GMEB1: variants seen among roughly 807,000 people sequenced by gnomAD.
GMEB1 encodes the protein glucocorticoid modulatory element-binding protein 1.
In GMEB1, 6 loss-of-function variants were observed where a neutral mutation model predicts 52.4. The ratio of observed to expected loss-of-function variants is 0.11; its 90% CI spans 0.06 to 0.23. The LOEUF is 0.23. GMEB1 is among the 10% of genes least tolerant of loss of function. GMEB1 has a pLI of 1.00. For synonymous variants in GMEB1, 255 were observed against 244.9 expected, an observed-to-expected ratio of 1.04 and a Z score of -0.38; for missense variants, 486 against 685.6, an observed-to-expected ratio of 0.71 and a Z score of 3.25.
In GMEB1 at chr1:28,716,097, C is replaced by CA. The variant is rs199862681; in HGVS notation, c.*1333dup. On this transcript the variant is annotated 3_prime_UTR_variant, in exon 10 of 10. Coordinates refer to ENST00000373816, the MANE Select transcript of GMEB1 (RefSeq NM_001319674.2). ...CTGGGCGAGGAGTGAAACTCCGTCT[C>CA]AAAAAAAAAGAAAGAAATGGAAAGC... 312 of 150,856 alleles carry CA rather than the reference C, an allele frequency of 2.1e-3. No individual in the cohort carries two copies. The highest frequency in any genetic ancestry group is 6.9e-3 in the African/African-American group (285 of 41,090). 9.3% of individuals were successfully genotyped at this position (150,856 alleles called of 1,614,324 possible). A position where few individuals can be genotyped will look rare whatever the true frequency, so the allele number is the denominator to read the frequency against.
intron 5 of GMEB1, among the ~76,000 whole-genome samples, chr1:28,695,938 CAAAAAAAAAAAAAAA>C (rs58978972): frequency 2.4e-5 from 1 of 41,050 alleles, no homozygotes; most frequent in African/African-American, 1.1e-4. Flanking sequence ...GACTCCGTCT[CAAAAAAAAAAAAAAA>C]AAAAAAAAAA....
chr1:28,677,206 G>C (rs542148238), intron 1 of GMEB1, among the ~76,000 whole-genome samples: 4 of 151,718 alleles, frequency 2.6e-5, no homozygotes, highest in Non-Finnish European at 5.9e-5. Flanking sequence ...TGAAATTTGA[G>C]GCACTTCTGA....
At position 28,704,336 on chromosome 1, in the gene GMEB1, G is replaced by T. The variant is rs1328787922; in HGVS notation, c.868+7G>T. 2 of 1,608,866 alleles carry T rather than the reference G, an allele frequency of 1.2e-6. No homozygotes were observed. Among genetic ancestry groups the T allele is most frequent in the African/African-American group, 2.7e-5 (2 of 74,672 alleles). ...GCTCCCTTCCAAGTCACAGGTAAGT[G>T]CACTAATCCTAACAGTAGCAGTGAT... is the stretch of plus-strand genomic sequence containing the variant. On this transcript the variant is annotated splice_region_variant and intron_variant, in intron 8 of 9. Transcript: ENST00000373816.
chr1:28,687,402 G>GAGAATA (rs914381466), intron 2 of GMEB1, among the ~76,000 whole-genome samples: 1 of 47,608 alleles, frequency 2.1e-5, no homozygotes, highest in African/African-American at 7.6e-5. Flanking sequence ...AAAGACAGTG[G>GAGAATA]AGAATAATGT....
In GMEB1 at chr1:28,690,125, G is replaced by A; in HGVS notation, c.150G>A (p.Glu50=). ...ACAGGATTTATGAAGCTGGGTCGGAGAACAACACGGCAGTTGTAGCAGTAG... is the reference window on the plus strand; with the variant it reads ...ACAGGATTTATGAAGCTGGGTCGGAAAACAACACGGCAGTTGTAGCAGTAG... ...VQQGIYEAGS[E]NNTAVVAVET... Residue 50 remains glutamate, a synonymous_variant, in exon 3 of 10, where the codon GAG becomes GAA. Transcript: ENST00000373816. The A allele has an allele frequency of 6.3e-7, 1 of 1,597,476 alleles. No individual in the cohort carries two copies. Among genetic ancestry groups the A allele is most frequent in the Admixed American group, 1.7e-5 (1 of 58,570 alleles).
At chr1:28,696,455 A>G (rs1189053101) in intron 5 of GMEB1, among the ~76,000 whole-genome samples, 1 of 152,084 alleles carries the variant, frequency 6.6e-6, no homozygotes, top group Non-Finnish European at 1.5e-5. Context: ...CCCCAAATGT[A>G]AAAGAGTCAG....
chr1:28,698,685 A>G (rs1406099486), intron 6 of GMEB1, among the ~76,000 whole-genome samples: 1 of 151,402 alleles, frequency 6.6e-6, no homozygotes, highest in Non-Finnish European at 1.5e-5. Context: ...AAAAAAAAAA[A>G]AAAAGAAAAA....
At chr1:28,684,519 C>T (rs1298414817) in intron 2 of GMEB1, among the ~76,000 whole-genome samples, 1 of 148,508 alleles carries the variant, frequency 6.7e-6, no homozygotes, top group African/African-American at 2.5e-5. Context: ...GCCGAGATCG[C>T]GCCACTGCAC....
intron 6 of GMEB1, among the ~76,000 whole-genome samples, chr1:28,701,728 C>G (rs758398508): frequency 1.3e-5 from 2 of 152,000 alleles, no homozygotes; most frequent in Non-Finnish European, 2.9e-5. Flanking sequence ...ACCACCACAC[C>G]CAGCTAGTTT....
At chr1:28,712,340 T>C (rs1671092311) in intron 9 of GMEB1, among the ~76,000 whole-genome samples, 4 of 152,138 alleles carry the variant, frequency 2.6e-5, no homozygotes, top group Admixed American at 2.6e-4. Flanking sequence ...GGAGGCTTCA[T>C]TACATAGGTA....
chr1:28,687,397 CAG>C lies in GMEB1; in HGVS notation c.129-2706_129-2705del, dbSNP rs1351558244. Among the ~76,000 whole-genome samples the C allele has an allele frequency of 1.1e-4, 3 of 28,172 alleles. 1 individual carries two copies. Among genetic ancestry groups the C allele is most frequent in the Non-Finnish European group, 2.3e-4 (3 of 12,996 alleles). The allele number at this position is 28,172 out of a possible 152,430, so 18.5% of individuals were successfully genotyped here. A position where few individuals can be genotyped will look rare whatever the true frequency, so the allele number is the denominator to read the frequency against. On this transcript the variant is annotated intron_variant, in intron 2 of 9. Transcript: ENST00000373816. ...ACACACACACACACACAAAAAAAGA[CAG>C]TGGAGAATAATGTTCTGGGAAGTGG...
At chr1:28,687,493 G>A (rs542308716) in intron 2 of GMEB1, among the ~76,000 whole-genome samples, 2 of 152,060 alleles carry the variant, frequency 1.3e-5, no homozygotes, top group South Asian at 2.1e-4. Flanking sequence ...TGGCAGTGCC[G>A]GGGCCTGGAT....
At chr1:28,713,393 G>A (rs1671151473) in intron 9 of GMEB1, among the ~76,000 whole-genome samples, 1 of 152,170 alleles carries the variant, frequency 6.6e-6, no homozygotes, top group Non-Finnish European at 1.5e-5. Context: ...GGGTTGGACT[G>A]GTCACTTGGG....
chr1:28,709,623 G>A (rs1384737911), intron 8 of GMEB1, among the ~76,000 whole-genome samples: 1 of 152,034 alleles, frequency 6.6e-6, no homozygotes, highest in Non-Finnish European at 1.5e-5. Flanking sequence ...CTTCCAGGCT[G>A]GAGTGCAGTG....
At chr1:28,713,419 G>A (rs1250992604) in intron 9 of GMEB1, among the ~76,000 whole-genome samples, 1 of 152,168 alleles carries the variant, frequency 6.6e-6, no homozygotes, top group Non-Finnish European at 1.5e-5. Flanking sequence ...GATAGTGATA[G>A]GCGTACTATA....
rs568333041 is a variant in GMEB1, at chr1:28,704,094, T to C, written c.731-98T>C. ...AGGAATGGCCCAATAAGAAATCATT[T>C]TGAGTTAAAATAATTTTGAATTTAA... On this transcript the variant is annotated intron_variant, in intron 7 of 9. Coordinates refer to ENST00000373816, the MANE Select transcript of GMEB1 (RefSeq NM_001319674.2). 10 of 1,116,968 alleles carry C rather than the reference T, an allele frequency of 9.0e-6. No homozygotes were observed. In the African/African-American group the frequency reaches 1.3e-4, roughly 14 times the overall value. 69.2% of individuals were successfully genotyped at this position (1,116,968 alleles called of 1,614,324 possible). A position where few individuals can be genotyped will look rare whatever the true frequency, so the allele number is the denominator to read the frequency against.
At chr1:28,702,847 C>T (rs372578447) in intron 7 of GMEB1, among the ~76,000 whole-genome samples, 2 of 151,684 alleles carry the variant, frequency 1.3e-5, no homozygotes, top group South Asian at 4.2e-4. Context: ...GTCAGGAGAT[C>T]GAGACCATCC....
At chr1:28,693,594 G>A (rs1464775745) in intron 5 of GMEB1, among the ~76,000 whole-genome samples, 1 of 151,764 alleles carries the variant, frequency 6.6e-6, no homozygotes, top group South Asian at 2.1e-4. Context: ...TCGGCTCACT[G>A]CAACCTCGGC....
rs536098145 is a variant in GMEB1 at position 28,714,984 on chromosome 1, T to C, written c.*211T>C. ...TGCCCTTCCAGAAGTTGAGAGTAGGTCATTCAATGTCCTAATCATCTTACA... is the reference window on the plus strand; with the variant it reads ...TGCCCTTCCAGAAGTTGAGAGTAGGCCATTCAATGTCCTAATCATCTTACA... On this transcript the variant is annotated 3_prime_UTR_variant, in exon 10 of 10. Coordinates refer to ENST00000373816, the MANE Select transcript of GMEB1 (RefSeq NM_001319674.2). 30 of 550,792 alleles carry C rather than the reference T, an allele frequency of 5.4e-5. No homozygotes were observed. The East Asian group carries it at 8.4e-4, about 15-fold the overall frequency. The allele number at this position is 550,792 out of a possible 1,614,324, so 34.1% of individuals were successfully genotyped here.
Sources: allele counts gnomAD v4.1 joint callset (sites outside exome capture counted in the v4.1 genomes callset), GRCh38; gene constraint gnomAD v4.1.1; transcripts MANE v1.5; gene names NCBI Gene and HGNC (gene_info 2026-07-23, HGNC 2026-07-21).